IGF1R: variants seen among roughly 807,000 people sequenced by gnomAD.
IGF1R encodes the protein insulin like growth factor 1 receptor, also known as insulin-like growth factor 1 receptor.
Under a neutral mutation model 144.6 loss-of-function variants are expected in IGF1R, and 44 were observed. The ratio of observed to expected loss-of-function variants is 0.30; its 90% CI spans 0.24 to 0.39. The LOEUF (loss-of-function observed/expected upper bound fraction) is 0.39, where lower values mean the gene tolerates loss of function less well. Ranked by LOEUF, IGF1R falls within the 10% of genes least tolerant of loss-of-function variation. The pLI, the probability that IGF1R is intolerant of heterozygous loss-of-function variation, is 1.00. For synonymous variants in IGF1R, 795 were observed against 722.8 expected, an observed-to-expected ratio of 1.10 and a Z score of -1.60; for missense variants, 1,355 against 1,833.7, an observed-to-expected ratio of 0.74 and a Z score of 4.77.
intron 2 of IGF1R, among the ~76,000 whole-genome samples, chr15:98,765,555 A>G (rs528996176): frequency 6.6e-6 from 1 of 151,810 alleles, no homozygotes; most frequent in Non-Finnish European, 1.5e-5. Context: ...AACTCCTGGC[A>G]TCAAGTGATC....
At chr15:98,664,651 C>T (rs1325874263) in intron 1 of IGF1R, among the ~76,000 whole-genome samples, 1 of 147,692 alleles carries the variant, frequency 6.8e-6, no homozygotes, top group African/African-American at 2.6e-5. Flanking sequence ...CAAGATCGCG[C>T]CACTGCACTC....
chr15:98,850,315 G>A (rs578142852), intron 2 of IGF1R, among the ~76,000 whole-genome samples: 1 of 152,248 alleles, frequency 6.6e-6, no homozygotes, highest in African/African-American at 2.4e-5. Context: ...CACAGACACA[G>A]AGGAGGCCTT....
intron 2 of IGF1R, among the ~76,000 whole-genome samples, chr15:98,830,844 T>TC (rs1161735371): frequency 2.0e-5 from 3 of 152,108 alleles, no homozygotes; most frequent in East Asian, 1.9e-4. Flanking sequence ...CCTCAGGTGA[T>TC]CCCCCCACCC....
chr15:98,845,499 C>A (rs1337362372), intron 2 of IGF1R, among the ~76,000 whole-genome samples: 1 of 125,382 alleles, frequency 8.0e-6, no homozygotes, highest in East Asian at 2.7e-4. Flanking sequence ...CCTTCCTTCT[C>A]CTCCTCCCTC....
intron 2 of IGF1R, among the ~76,000 whole-genome samples, chr15:98,808,819 A>G (rs561886868): frequency 1.3e-5 from 2 of 152,166 alleles, no homozygotes; most frequent in East Asian, 3.9e-4. Flanking sequence ...AGCTAGGACT[A>G]CAGGTGTGCA....
intron 2 of IGF1R, among the ~76,000 whole-genome samples, chr15:98,885,416 C>T (rs965382080): frequency 5.3e-5 from 8 of 152,188 alleles, no homozygotes; most frequent in Non-Finnish European, 8.8e-5. Flanking sequence ...CCTTCTCCTC[C>T]CCGTGTTGTC....
At chr15:98,945,401 G>A (rs1351183718) in intron 19 of IGF1R, among the ~76,000 whole-genome samples, 2 of 152,194 alleles carry the variant, frequency 1.3e-5, no homozygotes, top group South Asian at 2.1e-4. Flanking sequence ...CAGCCAGCAC[G>A]GGCATTGCAG....
rs969092160 is a variant in IGF1R, at chr15:98,896,789, C to T, written c.986C>T (p.Pro329Leu). 13 of 1,613,586 alleles carry T rather than the reference C, an allele frequency of 8.1e-6. No homozygotes were observed. Among genetic ancestry groups the T allele is most frequent in the African/African-American group, 2.7e-5 (2 of 74,738 alleles). ...MYCIPCEGPC[P>L]KVCEEEKKTK... The stretch of plus-strand genomic sequence containing the variant: ...TGCATCCCTTGTGAAGGTCCTTGCC[C>T]GAAGGTCTGTGAGGAAGAAAAGAAA... Residue 329 changes from proline to leucine, a missense_variant, in exon 4 of 21, where the codon CCG (proline) becomes CTG (leucine). By Grantham distance (98) the Pro-to-Leu change is moderately conservative. Transcript: ENST00000650285.
rs74416665 is a variant in IGF1R, at chr15:98,687,957, G to A, written c.95-19605G>A. On this transcript the variant is annotated intron_variant, in intron 1 of 20. Coordinates refer to ENST00000650285, the MANE Select transcript of IGF1R (RefSeq NM_000875.5). Reference sequence around the variant, plus strand: ...TTGGTAGTGGTCCTGGAGTGCTGTGGAAATGGGATACTTGGTGCCACTTAC... The same window carrying A: ...TTGGTAGTGGTCCTGGAGTGCTGTGAAAATGGGATACTTGGTGCCACTTAC... 5.6e-3 allele frequency among the ~76,000 whole-genome samples: 847 copies of A among 152,292 alleles called. 5 individuals are homozygous for A. The highest frequency in any genetic ancestry group is 9.7e-3 in the Non-Finnish European group (657 of 68,030).
intron 2 of IGF1R, among the ~76,000 whole-genome samples, chr15:98,755,754 GGC>G: frequency 1.5e-5 from 1 of 64,706 alleles, no homozygotes. Flanking sequence ...AAAAAAAAAA[GGC>G]ATTACTGCCT....
chr15:98,785,033 A>G (rs895607657), intron 2 of IGF1R, among the ~76,000 whole-genome samples: 2 of 152,190 alleles, frequency 1.3e-5, no homozygotes, highest in African/African-American at 2.4e-5. Context: ...GTATATATAT[A>G]TGTGTATGTG....
chr15:98,735,731 G>A (rs546619158), intron 2 of IGF1R, among the ~76,000 whole-genome samples: 5 of 152,356 alleles, frequency 3.3e-5, no homozygotes, highest in South Asian at 4.1e-4. Flanking sequence ...TGATCGCATT[G>A]GAGCTACTTC....
chr15:98,924,612 C>T lies in IGF1R; in HGVS notation c.2710C>T (p.Arg904Trp), dbSNP rs773153471. ...GCTAAACCCGGGGAACTACACAGCC[C>T]GGATTCAGGCCACATCTCTCTCTGG... ...NRLNPGNYTA[R>W]IQATSLSGNG... The change falls in exon 13 of 21, where the codon CGG becomes TGG. Residue 904 changes from arginine to tryptophan, a missense_variant. Around this residue, in one of 7 missense-constraint regions of IGF1R, gnomAD observed 880 missense variants for 1,202.7 expected, o/e 0.73. Coordinates refer to ENST00000650285, the MANE Select transcript of IGF1R (RefSeq NM_000875.5). 7.4e-6 allele frequency: 12 copies of T among 1,614,148 alleles called. No homozygotes were observed. The highest frequency in any genetic ancestry group is 2.7e-5 in the African/African-American group (2 of 75,054).
chr15:98,784,611 A>C (rs1044320047), intron 2 of IGF1R: 1 of 154,070 alleles, frequency 6.5e-6, no homozygotes, highest in South Asian at 2.0e-4. Flanking sequence ...TTGTAATTCT[A>C]ATCTCTTATG....
Position 98,902,415 on chromosome 15 carries a change from C to CTT in IGF1R, c.1247+2813_1247+2814dup, listed in dbSNP as rs11434197. Among the ~76,000 whole-genome samples, 992 of 119,796 alleles carry CTT rather than the reference C, an allele frequency of 8.3e-3. 25 individuals carry two copies. Among genetic ancestry groups the CTT allele is most frequent in the African/African-American group, 0.024 (764 of 32,058 alleles). 78.6% of individuals were successfully genotyped at this position (119,796 alleles called of 152,430 possible). ...ACACGTGTCACACTATTTTCTTGAA[C>CTT]TTTTTTTTTTTTTTTTTTTTGAGAT... On this transcript the variant is annotated intron_variant, in intron 5 of 20. Transcript: ENST00000650285.
intron 2 of IGF1R, among the ~76,000 whole-genome samples, chr15:98,852,580 C>A (rs1423843611): frequency 1.3e-5 from 2 of 152,086 alleles, no homozygotes; most frequent in Non-Finnish European, 2.9e-5. Context: ...GAGTAACCTT[C>A]CCCATAAACA....
At chr15:98,650,736 G>C (rs2052340791) in intron 1 of IGF1R, 1 of 244,766 alleles carries the variant, frequency 4.1e-6, no homozygotes, top group Non-Finnish European at 6.6e-6. Flanking sequence ...CGAGCGCGGA[G>C]CCCTGGCCTT....
intron 2 of IGF1R, among the ~76,000 whole-genome samples, chr15:98,775,687 A>G (rs956456398): frequency 8.5e-5 from 13 of 152,162 alleles, no homozygotes; most frequent in East Asian, 1.9e-4. Context: ...CCTGGTCCGC[A>G]CTGAAGGATC....
At chr15:98,919,711 AT>A (rs1206230851) in intron 10 of IGF1R, among the ~76,000 whole-genome samples, 20 of 152,118 alleles carry the variant, frequency 1.3e-4, no homozygotes, top group African/African-American at 4.6e-4. Flanking sequence ...TGAAGACAAT[AT>A]TTTGTCCGTG....
Sources: allele counts gnomAD v4.1 joint callset (sites outside exome capture counted in the v4.1 genomes callset), GRCh38; gene constraint gnomAD v4.1.1; regional missense constraint gnomAD v4.1.1; transcripts MANE v1.5; gene names NCBI Gene and HGNC (gene_info 2026-07-23, HGNC 2026-07-21).